The following PRKN variants were observed in gnomAD, a reference collection of about 807,000 sequenced individuals.
PRKN encodes E3 ubiquitin-protein ligase parkin.
Under a neutral mutation model 59.5 loss-of-function variants are expected in PRKN, and 56 were observed. The observed-to-expected ratio is 0.94, with a 90% CI of 0.76 to 1.18. PRKN has a LOEUF of 1.18. Among genes scored for constraint, PRKN ranks in the 50% most tolerant of loss-of-function variants. PRKN has a pLI of 0.00. For missense variants in PRKN, 657 were observed against 596.4 expected, an observed-to-expected ratio of 1.10 and a Z score of -1.06; for synonymous variants, 250 against 222.1, an observed-to-expected ratio of 1.13 and a Z score of -1.12.
intron 5 of PRKN, among the ~76,000 whole-genome samples, chr6:161,980,001 C>T (rs1353932898): frequency 6.6e-6 from 1 of 151,982 alleles, no homozygotes; most frequent in African/African-American, 2.4e-5. Flanking sequence ...CGATCAGAAG[C>T]GAATTAGCCA....
At chr6:162,222,331 C>T (rs935517570) in intron 3 of PRKN, among the ~76,000 whole-genome samples, 3 of 152,258 alleles carry the variant, frequency 2.0e-5, no homozygotes, top group African/African-American at 4.8e-5. Context: ...TACCCTGGGT[C>T]GGCCTGACCC....
chr6:162,532,519 T>C (rs1254276116), intron 1 of PRKN, among the ~76,000 whole-genome samples: 1 of 152,232 alleles, frequency 6.6e-6, no homozygotes, highest in African/African-American at 2.4e-5. Context: ...GATGTCTGAC[T>C]GAAAGCTCAA....
intron 5 of PRKN, among the ~76,000 whole-genome samples, chr6:162,053,657 G>A (rs7764792): frequency 0.028 from 4,299 of 152,030 alleles, 226 homozygotes; most frequent in African/African-American, 0.099. Flanking sequence ...ACTAAAGAAA[G>A]GTAGAAGTAG....
At chr6:161,671,639 C>T (rs1784914288) in intron 7 of PRKN, among the ~76,000 whole-genome samples, 1 of 152,110 alleles carries the variant, frequency 6.6e-6, no homozygotes, top group African/African-American at 2.4e-5. Flanking sequence ...AAAGTGAAGA[C>T]TAGTGGAAAG....
intron 2 of PRKN, among the ~76,000 whole-genome samples, chr6:162,327,761 G>A (rs1002137679): frequency 1.2e-4 from 18 of 152,158 alleles, no homozygotes; most frequent in East Asian, 3.9e-4. Context: ...AGTTTTTTTC[G>A]GAGATCAGAC....
intron 6 of PRKN, among the ~76,000 whole-genome samples, chr6:161,955,811 T>C (rs1780150503): frequency 1.3e-5 from 2 of 152,064 alleles, no homozygotes; most frequent in South Asian, 2.1e-4. Flanking sequence ...GATCACACCA[T>C]TGCACTCCAG....
chr6:161,800,241 C>G (rs1791023775), intron 6 of PRKN, among the ~76,000 whole-genome samples: 1 of 152,060 alleles, frequency 6.6e-6, no homozygotes, highest in Admixed American at 6.6e-5. Context: ...GAGGCAACGA[C>G]AGGTAGACAA....
rs1788489021 is a variant in PRKN, at chr6:161,428,391, C to T, written c.1084-41514G>A. ...GGGCTGCTGGGGTGGAGAGTGCAGA[C>T]AGAAGCCTGCCATCCGCCGGAGTCT... On this transcript the variant is annotated intron_variant, in intron 9 of 11. Transcript: ENST00000366898. This position sits in a 1 kb window ranked among gnomAD's most constrained non-coding sequence, Gnocchi z 4.0. Among the ~76,000 whole-genome samples the T allele has an allele frequency of 2.0e-5, 3 of 152,098 alleles. No homozygotes were observed. Among genetic ancestry groups the T allele is most frequent in the Admixed American group, 2.0e-4 (3 of 15,270 alleles).
intron 3 of PRKN, among the ~76,000 whole-genome samples, chr6:162,235,960 AG>A (rs1778659887): frequency 3.8e-5 from 2 of 53,166 alleles, no homozygotes; most frequent in Non-Finnish European, 7.1e-5. Context: ...GAAGAAAGGA[AG>A]AAAGAAAGAA....
At chr6:161,682,900 G>A (rs577309207) in intron 7 of PRKN, among the ~76,000 whole-genome samples, 94 of 152,292 alleles carry the variant, frequency 6.2e-4, no homozygotes, top group Non-Finnish European at 1.2e-3. Context: ...CAGTTACCTC[G>A]GTGGCCCAAT....
At chr6:162,518,941 C>T (rs1425311038) in intron 1 of PRKN, among the ~76,000 whole-genome samples, 1 of 152,162 alleles carries the variant, frequency 6.6e-6, no homozygotes, top group African/African-American at 2.4e-5. Context: ...ATAGCATGGA[C>T]TTTCAGCTAT....
At chr6:162,016,510 C>T (rs1437846101) in intron 5 of PRKN, among the ~76,000 whole-genome samples, 4 of 152,044 alleles carry the variant, frequency 2.6e-5, no homozygotes, top group African/African-American at 7.2e-5. Flanking sequence ...TCTCCCATCA[C>T]GAGGAGGGAG....
In PRKN at chr6:161,451,944, C is replaced by CT. The variant is rs923022842; in HGVS notation, c.1084-65068dup. On this transcript the variant is annotated intron_variant, in intron 9 of 11. Coordinates refer to ENST00000366898, the MANE Select transcript of PRKN (RefSeq NM_004562.3). The surrounding 1 kb of genome is among the most constrained non-coding windows in gnomAD (Gnocchi z 5.9). ...TTCTTTTTTCTTTTCTTTTCTTTTA[C>CT]TTTTTTCTTTTCTTTTCTTTTCTTT... Among the ~76,000 whole-genome samples, 5 of 145,874 alleles carry CT rather than the reference C, an allele frequency of 3.4e-5. No homozygotes were observed. Among genetic ancestry groups the CT allele is most frequent in the Non-Finnish European group, 7.4e-5 (5 of 67,682 alleles).
chr6:162,199,511 T>C (rs1194070023), intron 4 of PRKN, among the ~76,000 whole-genome samples: 1 of 152,196 alleles, frequency 6.6e-6, no homozygotes, highest in Non-Finnish European at 1.5e-5. Context: ...ATAGGTCATA[T>C]ATGCCACCTA....
chr6:162,443,799 T>C (rs776927739), intron 1 of PRKN, among the ~76,000 whole-genome samples: 94 of 152,138 alleles, frequency 6.2e-4, no homozygotes, highest in Non-Finnish European at 1.1e-3. Flanking sequence ...CATGAGTTTA[T>C]TGAAAAGACT....
At chr6:162,621,998 A>C (rs773895301) in intron 1 of PRKN, among the ~76,000 whole-genome samples, 11 of 152,046 alleles carry the variant, frequency 7.2e-5, no homozygotes, top group Non-Finnish European at 8.8e-5. Flanking sequence ...TTTTTAGTAG[A>C]GACGGGGCTT....
chr6:162,169,722 T>C lies in PRKN; in HGVS notation c.534+31409A>G, dbSNP rs1200870967. 2.6e-5 allele frequency among the ~76,000 whole-genome samples: 4 copies of C among 152,244 alleles called. No homozygotes were observed. The East Asian group carries it at 7.7e-4, about 29-fold the overall frequency. On this transcript the variant is annotated intron_variant, in intron 4 of 11. Coordinates refer to ENST00000366898, the MANE Select transcript of PRKN (RefSeq NM_004562.3). ...GCATGTGCCACTTTTAGTGACTCAG[T>C]TGTTAAAACTGCGTTACAGCTGCAT...
At chr6:161,642,365 T>TAAAAAC (rs2128158905) in intron 7 of PRKN, among the ~76,000 whole-genome samples, 1 of 152,218 alleles carries the variant, frequency 6.6e-6, no homozygotes, top group East Asian at 1.9e-4. Context: ...GATGCCTTGC[T>TAAAAAC]TATTGCATTT....
intron 7 of PRKN, among the ~76,000 whole-genome samples, chr6:161,680,667 T>C (rs1785283142): frequency 1.4e-5 from 2 of 148,064 alleles, no homozygotes; most frequent in Admixed American, 1.4e-4. Flanking sequence ...AGCCTGTCTC[T>C]GTTTGCCACT....
Sources: allele counts gnomAD v4.1 joint callset (sites outside exome capture counted in the v4.1 genomes callset), GRCh38; gene constraint gnomAD v4.1.1; non-coding constraint Gnocchi (gnomAD v3.1); transcripts MANE v1.5; gene names NCBI Gene and HGNC (gene_info 2026-07-23, HGNC 2026-07-21).